Variants in FRMD4B observed in about 807,000 individuals in gnomAD.
FRMD4B encodes FERM domain-containing protein 4B.
In FRMD4B, 74 loss-of-function variants were observed where a neutral mutation model predicts 141.5. The observed-to-expected ratio is 0.52, with a 90% confidence interval of 0.43 to 0.63. The LOEUF is 0.63. Among genes scored for constraint, FRMD4B ranks in the 30% least tolerant of loss-of-function variants. The probability of loss-of-function intolerance (pLI) is 0.00; values close to 1 mark genes in which losing one functional copy is unlikely to be tolerated. For missense variants in FRMD4B, 1,366 were observed against 1,253.4 expected (o/e 1.09, Z -1.36); for synonymous variants, 506 against 467.9 (o/e 1.08, Z -1.05).
intron 11 of FRMD4B, among the ~76,000 whole-genome samples, chr3:69,211,234 C>T (rs2107706884): frequency 6.6e-6 from 1 of 152,240 alleles, no homozygotes; most frequent in East Asian, 1.9e-4. Flanking sequence ...CCACCCTACA[C>T]AGTTGGTGGC....
chr3:69,188,175 A>G (rs2107621114), intron 18 of FRMD4B, among the ~76,000 whole-genome samples: 1 of 152,350 alleles, frequency 6.6e-6, no homozygotes, highest in Non-Finnish European at 1.5e-5. Flanking sequence ...ACTTAGAGTG[A>G]GTAAATCACT....
chr3:69,352,713 G>C (rs1703189107), intron 1 of FRMD4B, among the ~76,000 whole-genome samples: 1 of 152,286 alleles, frequency 6.6e-6, no homozygotes, highest in Admixed American at 6.5e-5. Flanking sequence ...AATCATAAAA[G>C]TTTTATTAAT....
intron 7 of FRMD4B, among the ~76,000 whole-genome samples, chr3:69,244,596 G>A (rs1575651312): frequency 6.7e-6 from 1 of 149,964 alleles, no homozygotes; most frequent in Non-Finnish European, 1.5e-5. Flanking sequence ...TGGCACCATT[G>A]CACTTCAGCC....
intron 2 of FRMD4B, among the ~76,000 whole-genome samples, chr3:69,400,588 A>G (rs1286581453): frequency 6.6e-6 from 1 of 152,182 alleles, no homozygotes; most frequent in East Asian, 1.9e-4. Context: ...AATGGTTGAG[A>G]CCCAGGAAGG....
At chr3:69,344,775 T>C (rs1030165506) in intron 1 of FRMD4B, among the ~76,000 whole-genome samples, 5 of 152,112 alleles carry the variant, frequency 3.3e-5, no homozygotes, top group African/African-American at 1.2e-4. Context: ...TATAAAAGCA[T>C]GTTCCTGAAA....
intron 1 of FRMD4B, among the ~76,000 whole-genome samples, chr3:69,540,650 TATATATATATAC>T (rs1275261393): frequency 9.8e-5 from 8 of 81,516 alleles, no homozygotes; most frequent in Non-Finnish European, 1.7e-4. Flanking sequence ...TATATATATA[TATATATATATAC>T]ACACACACAC....
chr3:69,289,522 G>A (rs1481833368), intron 4 of FRMD4B, among the ~76,000 whole-genome samples: 1 of 152,312 alleles, frequency 6.6e-6, no homozygotes, highest in East Asian at 1.9e-4. Flanking sequence ...CAGGCCAGAC[G>A]CAGTGGCTCA....
At chr3:69,460,378 G>T (rs1247587118) in intron 1 of FRMD4B, among the ~76,000 whole-genome samples, 3 of 152,146 alleles carry the variant, frequency 2.0e-5, no homozygotes, top group African/African-American at 7.2e-5. Context: ...CGGTGATGCA[G>T]TAGGAAGATG....
At position 69,181,403 on chromosome 3, in the gene FRMD4B, C is replaced by G. The variant is rs200270906; in HGVS notation, c.2347G>C (p.Ala783Pro). Residue 783 changes from alanine to proline, a missense_variant, in exon 21 of 23, where the codon GCA (alanine) becomes CCA (proline). Ala to Pro is a conservative substitution (Grantham distance 27). Transcript: ENST00000398540. Reference protein sequence around the residue: ...TSNSGSMPNLAQKDSLRNGVY... With the variant: ...TSNSGSMPNLPQKDSLRNGVY... ...CCATTCCTCAAACTATCCTTTTGTG[C>G]TAGGTTGGGCATGCTTCCTGAATTT... 108 of 1,613,720 alleles carry G rather than the reference C, an allele frequency of 6.7e-5. No homozygotes were observed. The highest frequency in any genetic ancestry group is 8.2e-5 in the Non-Finnish European group (97 of 1,179,806).
intron 1 of FRMD4B, among the ~76,000 whole-genome samples, chr3:69,321,719 ATTT>A: frequency 6.6e-6 from 1 of 150,656 alleles, no homozygotes; most frequent in African/African-American, 2.4e-5. Flanking sequence ...TTCACAAATG[ATTT>A]TTTTTTTTTC....
intron 5 of FRMD4B, among the ~76,000 whole-genome samples, chr3:69,257,390 T>C (rs911301330): frequency 6.6e-6 from 1 of 152,214 alleles, no homozygotes; most frequent in African/African-American, 2.4e-5. Flanking sequence ...TTCTGATTTT[T>C]CATATCGATA....
intron 2 of FRMD4B, among the ~76,000 whole-genome samples, chr3:69,313,222 C>T (rs1228404887): frequency 6.6e-6 from 1 of 152,188 alleles, no homozygotes; most frequent in Non-Finnish European, 1.5e-5. Flanking sequence ...TCTCTGAATC[C>T]ATGTCACCAG....
rs1441145599 is a variant in FRMD4B, at chr3:69,522,622, G to A, written c.-129+19584C>T. Among the ~76,000 whole-genome samples the A allele has an allele frequency of 3.3e-5, 5 of 152,030 alleles. No individual in the cohort carries two copies. In the East Asian group the frequency reaches 7.7e-4, roughly 23 times the overall value. Reference sequence around the variant, plus strand: ...TGACATTATTTGTCATCTGAAACTGGGGTCCGTCTTGCCAGTCAAGTATGC... The same window carrying A: ...TGACATTATTTGTCATCTGAAACTGAGGTCCGTCTTGCCAGTCAAGTATGC... On this transcript the variant is annotated intron_variant, in intron 1 of 5. Transcript: ENST00000459638.
chr3:69,204,397 T>A (rs1250256219), intron 11 of FRMD4B, among the ~76,000 whole-genome samples: 1 of 152,158 alleles, frequency 6.6e-6, no homozygotes, highest in Non-Finnish European at 1.5e-5. Flanking sequence ...TCATAGTACC[T>A]ATAGGTTAAT....
intron 1 of FRMD4B, among the ~76,000 whole-genome samples, chr3:69,344,109 A>G (rs991012063): frequency 3.9e-5 from 6 of 152,130 alleles, no homozygotes; most frequent in African/African-American, 1.4e-4. Context: ...TCAAATTTCA[A>G]TCTAAGAGCT....
At chr3:69,475,036 T>C (rs920914135) in intron 1 of FRMD4B, among the ~76,000 whole-genome samples, 1 of 152,082 alleles carries the variant, frequency 6.6e-6, no homozygotes, top group Admixed American at 6.6e-5. Context: ...ACACAATACA[T>C]AGCAACGTGA....
At chr3:69,537,742 A>C (rs1478231848) in intron 1 of FRMD4B, among the ~76,000 whole-genome samples, 1 of 152,244 alleles carries the variant, frequency 6.6e-6, no homozygotes, top group Admixed American at 6.5e-5. Flanking sequence ...TCATATTGAT[A>C]ATCTATTTGC....
rs372843775 is a variant in FRMD4B, at chr3:69,209,143, CAAA to C, written c.876+7117_876+7119del. 4.1e-3 allele frequency among the ~76,000 whole-genome samples: 450 copies of C among 108,722 alleles called. 2 individuals carry two copies. The highest frequency in any genetic ancestry group is 0.014 in the African/African-American group (423 of 29,984). 71.3% of individuals were successfully genotyped at this position (108,722 alleles called of 152,430 possible). On this transcript the variant is annotated intron_variant, in intron 11 of 22. Coordinates refer to ENST00000398540, the MANE Select transcript of FRMD4B (RefSeq NM_015123.3). ...TGGGCAACAGAGCGAGAATCCATCTCAAAAAAAAAAAAAAAAGAACATCTTGAG... is the reference window on the plus strand; with the variant it reads ...TGGGCAACAGAGCGAGAATCCATCTCAAAAAAAAAAAAAGAACATCTTGAG...
At chr3:69,312,636 C>T (rs750360067) in intron 2 of FRMD4B, among the ~76,000 whole-genome samples, 3 of 152,196 alleles carry the variant, frequency 2.0e-5, no homozygotes, top group African/African-American at 4.8e-5. Context: ...CAGAGGCTCA[C>T]GCCTGTAATC....
Sources: allele counts gnomAD v4.1 joint callset (sites outside exome capture counted in the v4.1 genomes callset), GRCh38; gene constraint gnomAD v4.1.1; transcripts MANE v1.5; gene names NCBI Gene and HGNC (gene_info 2026-07-23, HGNC 2026-07-21).